NCOA7: variants seen among roughly 807,000 people sequenced by gnomAD.
NCOA7 encodes the protein 140 kDa estrogen receptor-associated protein.
Under a neutral mutation model 104.3 loss-of-function variants are expected in NCOA7, and 45 were observed. That is an observed-to-expected ratio of 0.43 (90% CI 0.34 to 0.55). NCOA7 has a LOEUF of 0.55. Ranked by LOEUF, NCOA7 falls within the 20% of genes least tolerant of loss-of-function variation. The pLI, the probability that NCOA7 is intolerant of heterozygous loss-of-function variation, is 0.02. For synonymous variants in NCOA7, 398 were observed against 402.3 expected (o/e 0.99, Z 0.13); for missense variants, 1,041 against 1,119.7 (o/e 0.93, Z 1.00).
At chr6:125,866,339 A>G (rs1562940486) in intron 3 of NCOA7, among the ~76,000 whole-genome samples, 1 of 144,796 alleles carries the variant, frequency 6.9e-6, no homozygotes. Context: ...CAGAAAAAAG[A>G]AAAAAAAAAG....
chr6:125,781,376 G>C (rs1416108953), intron 1 of NCOA7: 2 of 151,522 alleles, frequency 1.3e-5, no homozygotes, highest in Non-Finnish European at 2.9e-5. Context: ...AATTAGGTGA[G>C]CCTGTGCTTG....
upstream of NCOA7, chr6:125,790,836 T>G (rs1031158976): frequency 6.6e-6 from 1 of 152,174 alleles, no homozygotes; most frequent in African/African-American, 2.4e-5. Flanking sequence ...ACACCCCGAC[T>G]GCGGCGGCTG....
chr6:125,871,253 T>C (rs1782871624), intron 3 of NCOA7, among the ~76,000 whole-genome samples: 1 of 152,160 alleles, frequency 6.6e-6, no homozygotes. Flanking sequence ...GGGATGGGTA[T>C]GGATCCTTAC....
At chr6:125,785,918 C>T (rs1774444111) in intron 1 of NCOA7, among the ~76,000 whole-genome samples, 1 of 152,094 alleles carries the variant, frequency 6.6e-6, no homozygotes, top group Admixed American at 6.5e-5. Flanking sequence ...TGGTAGACGC[C>T]ACAAAGACGC....
chr6:125,894,622 A>C (rs1338453098), intron 10 of NCOA7, among the ~76,000 whole-genome samples: 2 of 152,232 alleles, frequency 1.3e-5, no homozygotes, highest in Non-Finnish European at 2.9e-5. Flanking sequence ...TCATCATCAC[A>C]GACAAGGAGA....
intron 10 of NCOA7, among the ~76,000 whole-genome samples, chr6:125,892,997 A>G (rs1224941649): frequency 2.0e-5 from 3 of 152,220 alleles, no homozygotes; most frequent in Non-Finnish European, 4.4e-5. Context: ...TCCCATGGTT[A>G]ATTCTCATCC....
intron 2 of NCOA7, among the ~76,000 whole-genome samples, chr6:125,852,204 G>C (rs761924663): frequency 6.6e-6 from 1 of 151,856 alleles, no homozygotes; most frequent in Admixed American, 6.6e-5. Context: ...TTGTTTGTTT[G>C]TTTCTTTCTG....
At chr6:125,848,963 C>G (rs892185816) in intron 2 of NCOA7, among the ~76,000 whole-genome samples, 2 of 152,046 alleles carry the variant, frequency 1.3e-5, no homozygotes, top group African/African-American at 4.8e-5. Context: ...ACATTTAAAT[C>G]AACTTAAAGT....
At chr6:125,848,598 G>T (rs561632561) in intron 2 of NCOA7, among the ~76,000 whole-genome samples, 1 of 151,990 alleles carries the variant, frequency 6.6e-6, no homozygotes, top group African/African-American at 2.4e-5. Context: ...GGAATTGAAC[G>T]ATGAGAACAC....
intron 3 of NCOA7, among the ~76,000 whole-genome samples, chr6:125,871,889 C>T (rs1034647132): frequency 6.6e-6 from 1 of 150,548 alleles, no homozygotes; most frequent in African/African-American, 2.4e-5. Flanking sequence ...CCCAGCTATT[C>T]GGGAAGCTGA....
At position 125,931,138 on chromosome 6, in the gene NCOA7, AGGTATTTACTG is replaced by A. The variant is rs1279948951; in HGVS notation, c.*2372_*2382del. ...TTTCTTTCCCAAAGATTCATTCATCAGGTATTTACTGGGTACCAGAGTGTTTATTTTTGTGA... is the reference window on the plus strand; with the variant it reads ...TTTCTTTCCCAAAGATTCATTCATCAGGTACCAGAGTGTTTATTTTTGTGA... On this transcript the variant is annotated 3_prime_UTR_variant, in exon 16 of 16. Transcript: ENST00000392477. The A allele has an allele frequency of 1.3e-5, 2 of 152,618 alleles. No homozygotes were observed. The highest frequency in any genetic ancestry group is 2.1e-4 in the South Asian group (1 of 4,830). The allele number at this position is 152,618 out of a possible 1,614,324, so 9.5% of individuals were successfully genotyped here. A position where few individuals can be genotyped will look rare whatever the true frequency, so the allele number is the denominator to read the frequency against.
intron 7 of NCOA7, 179 bp downstream of exon 7, chr6:125,882,730 A>T (rs1186865203): frequency 4.7e-6 from 3 of 639,708 alleles, no homozygotes; most frequent in Non-Finnish European, 7.8e-6. Context: ...ACTGAGGTAA[A>T]TGTTGTCACT....
rs1158213119 is a variant in NCOA7 at position 125,864,006 on chromosome 6, G to A, written c.271+8766G>A. Reference sequence around the variant, plus strand: ...AATACATTGATGGTTGAAGAGTGATGTGGTCAGGTTTTTTTGGGGGGGGCA... The same window carrying A: ...AATACATTGATGGTTGAAGAGTGATATGGTCAGGTTTTTTTGGGGGGGGCA... On this transcript the variant is annotated intron_variant, in intron 3 of 15. Transcript: ENST00000392477. Among the ~76,000 whole-genome samples, 4 of 130,846 alleles carry A rather than the reference G, an allele frequency of 3.1e-5. 1 individual carries two copies. Among genetic ancestry groups the A allele is most frequent in the African/African-American group, 1.3e-4 (4 of 29,810 alleles). 85.8% of individuals were successfully genotyped at this position (130,846 alleles called of 152,430 possible). A position where few individuals can be genotyped will look rare whatever the true frequency, so the allele number is the denominator to read the frequency against.
chr6:125,872,569 C>T (rs1329140517), intron 3 of NCOA7, among the ~76,000 whole-genome samples: 2 of 152,162 alleles, frequency 1.3e-5, no homozygotes, highest in Non-Finnish European at 1.5e-5. Context: ...CAACACTTAA[C>T]CTAATCCCAA....
At chr6:125,838,427 G>C (rs1246804810) in intron 2 of NCOA7, among the ~76,000 whole-genome samples, 1 of 152,156 alleles carries the variant, frequency 6.6e-6, no homozygotes, top group Non-Finnish European at 1.5e-5. Flanking sequence ...CCGACTCTCA[G>C]TTAAATCTTT....
chr6:125,883,525 C>T (rs2128649845), intron 7 of NCOA7, among the ~76,000 whole-genome samples: 1 of 152,200 alleles, frequency 6.6e-6, no homozygotes, highest in South Asian at 2.1e-4. Flanking sequence ...CCCCATTTCA[C>T]ACTCTCCCAC....
chr6:125,822,088 C>G (rs1778241650), intron 2 of NCOA7, among the ~76,000 whole-genome samples: 1 of 152,166 alleles, frequency 6.6e-6, no homozygotes, highest in Non-Finnish European at 1.5e-5. Context: ...AACTCTTGCC[C>G]TTTCTTTAAT....
At chr6:125,879,244 C>T (rs1783626508) in intron 5 of NCOA7, among the ~76,000 whole-genome samples, 1 of 152,210 alleles carries the variant, frequency 6.6e-6, no homozygotes, top group African/African-American at 2.4e-5. Context: ...TACTCCAAAA[C>T]TGGTTATTGT....
intron 3 of NCOA7, among the ~76,000 whole-genome samples, chr6:125,866,286 G>A (rs377719176): frequency 6.6e-6 from 1 of 151,778 alleles, no homozygotes; most frequent in African/African-American, 2.4e-5. Context: ...CCGAGATCAC[G>A]CCATTGCACT....
Sources: allele counts gnomAD v4.1 joint callset (sites outside exome capture counted in the v4.1 genomes callset), GRCh38; gene constraint gnomAD v4.1.1; transcripts MANE v1.5; gene names NCBI Gene and HGNC (gene_info 2026-07-23, HGNC 2026-07-21).